The following AFF3 variants were observed in gnomAD, a reference collection of about 807,000 sequenced individuals.
The protein encoded by AFF3 is ALF transcription elongation factor 3.
Under a neutral mutation model 129.7 loss-of-function variants are expected in AFF3, and 32 were observed. That is an observed-to-expected ratio of 0.25 (90% CI 0.19 to 0.33). AFF3 has a LOEUF of 0.33. AFF3 is among the 10% of genes least tolerant of loss of function. AFF3 has a pLI of 1.00. For synonymous variants in AFF3, 644 were observed against 635.4 expected, an observed-to-expected ratio of 1.01 and a Z score of -0.20; for missense variants, 1,373 against 1,592.0, an observed-to-expected ratio of 0.86 and a Z score of 2.34.
chr2:100,022,839 C>T (rs546391278), intron 4 of AFF3, among the ~76,000 whole-genome samples: 15 of 149,158 alleles, frequency 1.0e-4, no homozygotes, highest in South Asian at 6.2e-4. Context: ...CCCATGAAGA[C>T]GGCTCTTCTT....
intron 13 of AFF3, among the ~76,000 whole-genome samples, chr2:99,613,893 A>T (rs1279551944): frequency 6.6e-6 from 1 of 152,250 alleles, no homozygotes; most frequent in Non-Finnish European, 1.5e-5. Context: ...TGTTTGATCA[A>T]ATAGTCATTT....
chr2:99,770,032 G>A lies in AFF3; in HGVS notation c.922-17731C>T, dbSNP rs769981582. ...CTCAAGGCCCTAGGGCTCTATGATC[G>A]GCAGACGGTGAAGCCAGCTGGGTTT... On this transcript the variant is annotated intron_variant, in intron 8 of 24. Transcript: ENST00000672756. Among the ~76,000 whole-genome samples the A allele has an allele frequency of 2.0e-5, 3 of 152,204 alleles. No individual in the cohort carries two copies. The Middle Eastern group carries it at 9.5e-3, about 482-fold the overall frequency.
At chr2:99,565,348 C>T (rs899677367) in intron 20 of AFF3, 139 bp downstream of exon 20, 1 of 1,293,290 alleles carries the variant, frequency 7.7e-7, no homozygotes, top group African/African-American at 1.5e-5. Flanking sequence ...CTTGCACGAC[C>T]TTACCCTCTT....
At chr2:100,038,460 TCAAC>T in intron 4 of AFF3, among the ~76,000 whole-genome samples, 1 of 151,920 alleles carries the variant, frequency 6.6e-6, no homozygotes, top group Non-Finnish European at 1.5e-5. Flanking sequence ...GTAAACAATC[TCAAC>T]CATTTTGTGA....
chr2:99,679,288 T>C (rs1011337048), intron 11 of AFF3, among the ~76,000 whole-genome samples: 1 of 152,208 alleles, frequency 6.6e-6, no homozygotes, highest in Non-Finnish European at 1.5e-5. Flanking sequence ...TCCATGATCC[T>C]GTAACTCTGC....
At chr2:99,670,009 C>T (rs1336469128) in intron 12 of AFF3, among the ~76,000 whole-genome samples, 6 of 152,122 alleles carry the variant, frequency 3.9e-5, no homozygotes, top group South Asian at 2.1e-4. Context: ...CCTCAAATTT[C>T]GATGAAGTGG....
chr2:100,076,518 A>G (rs983505222), intron 4 of AFF3, among the ~76,000 whole-genome samples: 18 of 152,204 alleles, frequency 1.2e-4, no homozygotes, highest in Admixed American at 6.5e-5. Context: ...CCTAAGAGAC[A>G]GGTCTCAAAA....
chr2:99,601,665 CA>C, intron 13 of AFF3, 44 bp from the exon 14 acceptor site: 1 of 1,565,766 alleles, frequency 6.4e-7, no homozygotes. Context: ...GAAGGAAAGC[CA>C]AGTGAGCAAA....
intron 8 of AFF3, among the ~76,000 whole-genome samples, chr2:99,774,573 C>T (rs1317848382): frequency 6.6e-6 from 1 of 152,108 alleles, no homozygotes; most frequent in Non-Finnish European, 1.5e-5. Flanking sequence ...CTTCCTTACA[C>T]CATATACAAA....
At chr2:99,658,315 C>T (rs1433900336) in intron 12 of AFF3, among the ~76,000 whole-genome samples, 1 of 152,020 alleles carries the variant, frequency 6.6e-6, no homozygotes, top group Non-Finnish European at 1.5e-5. Flanking sequence ...GGGACACATG[C>T]CTGGTGTGGG....
chr2:100,141,301 A>C (rs1410187775), intron 1 of AFF3, among the ~76,000 whole-genome samples: 1 of 152,260 alleles, frequency 6.6e-6, no homozygotes, highest in East Asian at 1.9e-4. Flanking sequence ...CACTAAGTGC[A>C]GTTACGCCTA....
intron 7 of AFF3, among the ~76,000 whole-genome samples, chr2:99,845,549 G>T (rs1689656541): frequency 1.3e-5 from 2 of 152,134 alleles, no homozygotes; most frequent in Non-Finnish European, 2.9e-5. Flanking sequence ...GTCTACTGGG[G>T]TCGTCTTTCA....
At chr2:99,667,945 A>C (rs1178928353) in intron 12 of AFF3, among the ~76,000 whole-genome samples, 1 of 151,918 alleles carries the variant, frequency 6.6e-6, no homozygotes. Flanking sequence ...TCATGAGGTC[A>C]GGAGATCGAG....
At chr2:99,700,235 C>T (rs1272512364) in intron 11 of AFF3, among the ~76,000 whole-genome samples, 1 of 152,162 alleles carries the variant, frequency 6.6e-6, no homozygotes, top group East Asian at 1.9e-4. Context: ...ATTCTCCTGC[C>T]TCAGCCTCCC....
chr2:99,618,177 C>T (rs1681626762), intron 13 of AFF3, among the ~76,000 whole-genome samples: 1 of 150,234 alleles, frequency 6.7e-6, no homozygotes, highest in African/African-American at 2.5e-5. Flanking sequence ...AAGTGACAAC[C>T]TCATAGTGTT....
At chr2:100,037,413 T>G (rs1276569838) in intron 4 of AFF3, among the ~76,000 whole-genome samples, 1 of 136,094 alleles carries the variant, frequency 7.3e-6, no homozygotes, top group East Asian at 2.0e-4. Context: ...TATATATTTA[T>G]TTATTTATAT....
intron 7 of AFF3, among the ~76,000 whole-genome samples, chr2:99,942,913 T>G (rs1452680877): frequency 1.3e-5 from 2 of 152,150 alleles, no homozygotes; most frequent in Non-Finnish European, 2.9e-5. Flanking sequence ...AAGAGCAATA[T>G]GGATGCCGTC....
chr2:99,977,061 A>T (rs909749111), intron 7 of AFF3, among the ~76,000 whole-genome samples: 17 of 152,232 alleles, frequency 1.1e-4, no homozygotes, highest in African/African-American at 3.9e-4. Context: ...AGAGTTTATG[A>T]CATTAAACTG....
chr2:99,702,015 T>A (rs936788586), intron 11 of AFF3, among the ~76,000 whole-genome samples: 1 of 152,240 alleles, frequency 6.6e-6, no homozygotes, highest in Admixed American at 6.5e-5. Context: ...TATTGCTGGG[T>A]AGCATTCAAT....
Sources: allele counts gnomAD v4.1 joint callset (sites outside exome capture counted in the v4.1 genomes callset), GRCh38; gene constraint gnomAD v4.1.1; transcripts MANE v1.5; gene names NCBI Gene and HGNC (gene_info 2026-07-23, HGNC 2026-07-21).